Variants in FRMPD4 observed in about 807,000 individuals in gnomAD.
FRMPD4 encodes the protein FERM and PDZ domain-containing protein 4.
Under a neutral mutation model 94.1 loss-of-function variants are expected in FRMPD4, and 22 were observed. That is an observed-to-expected ratio of 0.23 (90% confidence interval 0.17 to 0.33). The LOEUF is 0.33. FRMPD4 is among the 10% of genes least tolerant of loss of function. FRMPD4 has a pLI of 1.00. For missense variants in FRMPD4, 1,111 were observed against 1,339.9 expected, an observed-to-expected ratio of 0.83 and a Z score of 2.67; for synonymous variants, 631 against 548.6, an observed-to-expected ratio of 1.15 and a Z score of -2.10.
At chrX:12,708,545 T>C (rs973762516) in intron 13 of FRMPD4, among the ~76,000 whole-genome samples, 4 of 109,420 alleles carry the variant, frequency 3.7e-5, no homozygotes, top group African/African-American at 6.7e-5. Context: ...GAATAGGAAA[T>C]AGTCCAGGTT....
Position 12,601,232 on chromosome X carries a change from T to C in FRMPD4, c.159-8489T>C, listed in dbSNP as rs1425675795. 2.7e-5 allele frequency among the ~76,000 whole-genome samples: 3 copies of C among 112,286 alleles called. No homozygotes were observed. In the East Asian group the frequency reaches 8.3e-4, roughly 31 times the overall value. On this transcript the variant is annotated intron_variant, in intron 2 of 16. Coordinates refer to ENST00000675598, the MANE Select transcript of FRMPD4 (RefSeq NM_001368397.1). Reference sequence around the variant, plus strand: ...TTGTGGGAATTGACTGACAGTGGCCTGTGGAATTGATTAGCGGAGGTTAAA... The same window carrying C: ...TTGTGGGAATTGACTGACAGTGGCCCGTGGAATTGATTAGCGGAGGTTAAA...
rs911038944 is a variant in FRMPD4 at position 12,059,663 on chromosome X, T to C, written c.95+181645T>C. On this transcript the variant is annotated intron_variant, in intron 3 of 18. Coordinates refer to the FRMPD4 transcript ENST00000640291. ...CCAGTGTCGATTGTTGCCACATTTATGTCCATGCATACCCAATGTTTAACT... is the reference window on the plus strand; with the variant it reads ...CCAGTGTCGATTGTTGCCACATTTACGTCCATGCATACCCAATGTTTAACT... Among the ~76,000 whole-genome samples, 3 of 109,408 alleles carry C rather than the reference T, an allele frequency of 2.7e-5. No homozygotes were observed. The East Asian group carries it at 8.7e-4, about 32-fold the overall frequency.
At chrX:12,641,404 G>A (rs192539368) in intron 4 of FRMPD4, among the ~76,000 whole-genome samples, 1 of 111,589 alleles carries the variant, frequency 9.0e-6, no homozygotes, top group Admixed American at 9.5e-5. Context: ...TCCCCTCCAT[G>A]CTCTCAGGCA....
chrX:12,363,137 T>G (rs1277247019), intron 1 of FRMPD4, among the ~76,000 whole-genome samples: 3 of 112,219 alleles, frequency 2.7e-5, no homozygotes, highest in Non-Finnish European at 3.8e-5. Flanking sequence ...ATGTAAAAAT[T>G]TTCTCCCATT....
chrX:12,562,941 T>C (rs1015248846), intron 2 of FRMPD4, among the ~76,000 whole-genome samples: 1 of 112,250 alleles, frequency 8.9e-6, no homozygotes, highest in South Asian at 3.7e-4. Context: ...TGAGCTACCG[T>C]GTCCAGCTGG....
At position 12,441,482 on chromosome X, in the gene FRMPD4, C is replaced by T. The variant is rs1249105843; in HGVS notation, c.42-57198C>T. Among the ~76,000 whole-genome samples, 9 of 111,145 alleles carry T rather than the reference C, an allele frequency of 8.1e-5. No individual in the cohort carries two copies. In the South Asian group the frequency reaches 1.2e-3, roughly 14 times the overall value. Reference sequence around the variant, plus strand: ...CTCTCTCCTTCAAATAATACCTCCACGACAAAAGGATCCTCTAGTATCACA... The same window carrying T: ...CTCTCTCCTTCAAATAATACCTCCATGACAAAAGGATCCTCTAGTATCACA... On this transcript the variant is annotated intron_variant, in intron 1 of 16. Coordinates refer to ENST00000675598, the MANE Select transcript of FRMPD4 (RefSeq NM_001368397.1).
rs34571736 is a variant in FRMPD4 at position 12,421,765 on chromosome X, GAAAA to G, written c.42-76898_42-76895del. On this transcript the variant is annotated intron_variant, in intron 1 of 16. Coordinates refer to ENST00000675598, the MANE Select transcript of FRMPD4 (RefSeq NM_001368397.1). Reference sequence around the variant, plus strand: ...TGACAGACAGAGACCCTATCTCAAAGAAAAAAAAAAAAAAAAAAAAGCTGGGGGG... The same window carrying G: ...TGACAGACAGAGACCCTATCTCAAAGAAAAAAAAAAAAAAAAGCTGGGGGG... 4.7e-3 allele frequency among the ~76,000 whole-genome samples: 325 copies of G among 69,611 alleles called. 2 individuals are homozygous for G. Among genetic ancestry groups the G allele is most frequent in the African/African-American group, 0.015 (300 of 19,769 alleles). 60.4% of individuals were successfully genotyped at this position (69,611 alleles called of 115,157 possible).
intron 1 of FRMPD4, among the ~76,000 whole-genome samples, chrX:12,349,468 T>C (rs1273490332): frequency 9.1e-6 from 1 of 110,219 alleles, no homozygotes; most frequent in African/African-American, 3.3e-5. Flanking sequence ...CTAACAGCTA[T>C]GGTGTTGTGG....
intron 1 of FRMPD4, among the ~76,000 whole-genome samples, chrX:12,354,612 C>T (rs1327589678): frequency 5.3e-5 from 6 of 112,429 alleles, no homozygotes; most frequent in African/African-American, 1.9e-4. Flanking sequence ...TGGATTCAGG[C>T]CAAGACGTCA....
intron 2 of FRMPD4, among the ~76,000 whole-genome samples, chrX:12,538,324 G>T (rs2058363820): frequency 9.0e-6 from 1 of 111,263 alleles, no homozygotes; most frequent in South Asian, 3.8e-4. Context: ...AAATAAAGCG[G>T]CCAGGAAGCT....
intron 1 of FRMPD4, among the ~76,000 whole-genome samples, chrX:12,494,711 T>C (rs1362199778): frequency 1.8e-5 from 2 of 111,807 alleles, no homozygotes; most frequent in African/African-American, 6.5e-5. Flanking sequence ...CACTAATGGT[T>C]GCAATACAAA....
At chrX:12,540,480 A>G (rs1389289228) in intron 2 of FRMPD4, among the ~76,000 whole-genome samples, 2 of 111,997 alleles carry the variant, frequency 1.8e-5, no homozygotes, top group Non-Finnish European at 3.8e-5. Flanking sequence ...ACAAAGATCA[A>G]AAGAGAAAAA....
At chrX:12,045,521 T>A (rs2054780550) in intron 3 of FRMPD4, among the ~76,000 whole-genome samples, 1 of 111,018 alleles carries the variant, frequency 9.0e-6, no homozygotes, top group Non-Finnish European at 1.9e-5. Context: ...AATATTGAAA[T>A]CTGAACCCAA....
intron 3 of FRMPD4, among the ~76,000 whole-genome samples, chrX:12,097,008 G>C (rs1028024950): frequency 6.2e-5 from 7 of 112,119 alleles, no homozygotes; most frequent in Non-Finnish European, 7.5e-5. Context: ...AATAGAAATG[G>C]AAACTCTTTG....
chrX:12,421,007 G>C (rs1747499631), intron 1 of FRMPD4, among the ~76,000 whole-genome samples: 3 of 112,760 alleles, frequency 2.7e-5, no homozygotes, highest in Admixed American at 9.3e-5. Flanking sequence ...CAGAAAGGCA[G>C]TGATTTCAGT....
intron 7 of FRMPD4, among the ~76,000 whole-genome samples, chrX:12,686,723 C>T (rs1262243497): frequency 8.9e-6 from 1 of 112,089 alleles, no homozygotes; most frequent in Non-Finnish European, 1.9e-5. Flanking sequence ...ATGAGGCCTG[C>T]TTCTTAGAAG....
intron 1 of FRMPD4, among the ~76,000 whole-genome samples, chrX:12,184,186 T>C (rs2056395984): frequency 9.0e-6 from 1 of 110,857 alleles, no homozygotes; most frequent in East Asian, 2.8e-4. Flanking sequence ...CTAACAGAAA[T>C]ACACTGATTT....
intron 1 of FRMPD4, among the ~76,000 whole-genome samples, chrX:12,349,425 C>A (rs56919142): frequency 9.1e-6 from 1 of 109,365 alleles, no homozygotes; most frequent in Non-Finnish European, 1.9e-5. Context: ...CTCTGGAGTC[C>A]TCCATAGGAT....
In FRMPD4 at chrX:12,398,216, A is replaced by G. The variant is rs1043430522; in HGVS notation, c.42-100464A>G. ...CTCTGCCATGGTTTAGTAACAAAGA[A>G]GATGGAGTGAGCTTGAGATTTTTTT... On this transcript the variant is annotated intron_variant, in intron 1 of 16. Coordinates refer to ENST00000675598, the MANE Select transcript of FRMPD4 (RefSeq NM_001368397.1). Among the ~76,000 whole-genome samples the G allele has an allele frequency of 2.7e-5, 3 of 112,537 alleles. No homozygotes were observed. In the East Asian group the frequency reaches 8.3e-4, roughly 31 times the overall value.
Sources: gnomAD v4.1 joint callset for allele counts (sites outside exome capture counted in the v4.1 genomes callset) on GRCh38, gnomAD v4.1.1 for gene constraint, MANE v1.5 for transcripts, NCBI Gene and HGNC (gene_info 2026-07-23, HGNC 2026-07-21) for gene names.